Variants in CCDC178 observed in about 807,000 individuals in gnomAD.
CCDC178 encodes coiled-coil domain containing 178, also known as coiled-coil domain-containing protein 178.
Under a neutral mutation model 117.4 loss-of-function variants are expected in CCDC178, and 126 were observed. The observed-to-expected ratio is 1.07, with a 90% CI of 0.93 to 1.24. The LOEUF is 1.24. Ranked by LOEUF, CCDC178 falls within the 50% of genes most tolerant of loss-of-function variation. The pLI is 0.00. For synonymous variants in CCDC178, 283 were observed against 313.4 expected (o/e 0.90, Z 1.02); for missense variants, 1,030 against 986.9 (o/e 1.04, Z -0.59).
intron 21 of CCDC178, among the ~76,000 whole-genome samples, chr18:33,010,935 T>C (rs2055850749): frequency 6.6e-6 from 1 of 152,174 alleles, no homozygotes; most frequent in Non-Finnish European, 1.5e-5. Context: ...AGACAGTGTG[T>C]CATCTTTCAC....
rs1555656290 is a variant in CCDC178 at position 33,179,095 on chromosome 18, A to ATATATAAAC, written c.2238+32800_2238+32801insGTTTATATA. Among the ~76,000 whole-genome samples, 136 of 111,604 alleles carry ATATATAAAC rather than the reference A, an allele frequency of 1.2e-3. 5 individuals carry two copies. The highest frequency in any genetic ancestry group is 1.6e-3 in the African/African-American group (37 of 22,566). 73.2% of individuals were successfully genotyped at this position (111,604 alleles called of 152,430 possible). A position where few individuals can be genotyped will look rare whatever the true frequency, so the allele number is the denominator to read the frequency against. ...AAAAAAAAAATATATATATATATAT[A>ATATATAAAC]TATATATATATATAAACTATATATA... On this transcript the variant is annotated intron_variant, in intron 20 of 22. Coordinates refer to ENST00000383096, the MANE Select transcript of CCDC178 (RefSeq NM_001105528.4).
chr18:32,937,906 G>A lies in CCDC178; in HGVS notation c.*105C>T. On this transcript the variant is annotated 3_prime_UTR_variant, in exon 23 of 23. Transcript: ENST00000383096. ...GAGGTGAGTGAGTTTTTCGTTCATG[G>A]AAGTGTGAAATGGCAAACAGGTGAA... is the stretch of plus-strand genomic sequence containing the variant. The A allele has an allele frequency of 1.2e-6, 1 of 847,430 alleles. No individual in the cohort carries two copies. The highest frequency in any genetic ancestry group is 2.6e-5 in the East Asian group (1 of 38,808). The allele number at this position is 847,430 out of a possible 1,614,324, so 52.5% of individuals were successfully genotyped here.
chr18:33,158,738 T>C (rs8085506), intron 20 of CCDC178, among the ~76,000 whole-genome samples: 7,744 of 152,150 alleles, frequency 0.051, 300 homozygotes, highest in East Asian at 0.11. Context: ...ATTACAATGT[T>C]ATTTTTTGTA....
intron 11 of CCDC178, among the ~76,000 whole-genome samples, chr18:33,294,783 T>C (rs1184114518): frequency 6.6e-6 from 1 of 152,298 alleles, no homozygotes; most frequent in East Asian, 1.9e-4. Context: ...TGTTATCTAT[T>C]GCCTCCAGTC....
intron 21 of CCDC178, among the ~76,000 whole-genome samples, chr18:33,055,153 T>C (rs2056808664): frequency 6.6e-6 from 1 of 152,188 alleles, no homozygotes; most frequent in Non-Finnish European, 1.5e-5. Flanking sequence ...AACTTCTTCA[T>C]AGACTCTGGA....
At chr18:33,008,222 T>G (rs576516924) in intron 21 of CCDC178, among the ~76,000 whole-genome samples, 1 of 152,124 alleles carries the variant, frequency 6.6e-6, no homozygotes, top group East Asian at 1.9e-4. Flanking sequence ...TCCATTATAG[T>G]GCAGGTTTGC....
rs138487689 is a variant in CCDC178, at chr18:33,223,287, G to A, written c.1819-68C>T. The A allele has an allele frequency of 8.2e-3, 11,765 of 1,427,814 alleles. 56 individuals are homozygous for A. The highest frequency in any genetic ancestry group is 1.0e-2 in the Non-Finnish European group (10,806 of 1,084,040). 88.4% of individuals were successfully genotyped at this position (1,427,814 alleles called of 1,614,324 possible). A position where few individuals can be genotyped will look rare whatever the true frequency, so the allele number is the denominator to read the frequency against. On this transcript the variant is annotated intron_variant, in intron 17 of 22. Coordinates refer to ENST00000383096, the MANE Select transcript of CCDC178 (RefSeq NM_001105528.4). ...CAGTTATCCTCATTTAGGCCAAATC[G>A]TACTTAAGTGACTATTTTAATAACA... is the stretch of plus-strand genomic sequence containing the variant.
intron 20 of CCDC178, among the ~76,000 whole-genome samples, chr18:33,207,232 T>G (rs1225357493): frequency 6.6e-6 from 1 of 152,126 alleles, no homozygotes; most frequent in Non-Finnish European, 1.5e-5. Flanking sequence ...TATTTCATTT[T>G]AAAAACTGTA....
At chr18:32,950,424 T>A (rs1326574715) in intron 22 of CCDC178, among the ~76,000 whole-genome samples, 3 of 152,232 alleles carry the variant, frequency 2.0e-5, no homozygotes, top group African/African-American at 7.2e-5. Flanking sequence ...TGATGACCAA[T>A]GGCTTGAAAA....
At chr18:33,040,476 C>T (rs1023473003) in intron 21 of CCDC178, among the ~76,000 whole-genome samples, 10 of 151,978 alleles carry the variant, frequency 6.6e-5, no homozygotes, top group African/African-American at 2.4e-4. Context: ...TAGTACTTTT[C>T]CAATACAAAA....
intron 21 of CCDC178, among the ~76,000 whole-genome samples, chr18:33,057,303 T>C (rs1019674085): frequency 1.3e-5 from 2 of 152,194 alleles, no homozygotes; most frequent in Non-Finnish European, 2.9e-5. Flanking sequence ...GGGCTATTTA[T>C]ACCTGCTTCA....
At chr18:33,134,898 A>G (rs2058107291) in intron 20 of CCDC178, among the ~76,000 whole-genome samples, 1 of 152,144 alleles carries the variant, frequency 6.6e-6, no homozygotes, top group Non-Finnish European at 1.5e-5. Flanking sequence ...GCTGTTTTTC[A>G]CAAATGAACA....
rs557778959 is a variant in CCDC178, at chr18:32,997,956, G to T, written c.2389-23275C>A. Among the ~76,000 whole-genome samples, 49 of 152,270 alleles carry T rather than the reference G, an allele frequency of 3.2e-4. No individual in the cohort carries two copies. The South Asian group carries it at 1.0e-2, about 31-fold the overall frequency. On this transcript the variant is annotated intron_variant, in intron 21 of 22. Transcript: ENST00000383096. ...AGAAACCCTCACTGATTGTCCTCCC[G>T]ACAGGAGCATCAAATTGAACAACTA...
chr18:33,283,918 G>T (rs878970525), intron 12 of CCDC178, among the ~76,000 whole-genome samples: 1 of 152,282 alleles, frequency 6.6e-6, no homozygotes, highest in African/African-American at 2.4e-5. Context: ...CATACCCAAA[G>T]GACTATAAAT....
intron 14 of CCDC178, among the ~76,000 whole-genome samples, chr18:33,263,879 T>C (rs888464080): frequency 1.3e-5 from 2 of 151,820 alleles, no homozygotes; most frequent in African/African-American, 2.4e-5. Context: ...TTTCTACAAA[T>C]AGTGTTCAGA....
chr18:33,440,280 G>A (rs1016598569), intron 1 of CCDC178, among the ~76,000 whole-genome samples, 199 bp from the exon 2 acceptor site: 127 of 141,434 alleles, frequency 9.0e-4, no homozygotes, highest in Non-Finnish European at 1.6e-3. Context: ...CCCTTCCCCC[G>A]GCAGTGGGGA....
intron 22 of CCDC178, among the ~76,000 whole-genome samples, chr18:32,953,148 A>G (rs2054524730): frequency 6.6e-6 from 1 of 152,128 alleles, no homozygotes. Context: ...GATACCCTAA[A>G]TCATCTCTCT....
chr18:33,330,686 G>T (rs2062655864), intron 10 of CCDC178, among the ~76,000 whole-genome samples: 2 of 152,132 alleles, frequency 1.3e-5, no homozygotes, highest in East Asian at 3.9e-4. Context: ...GGAGGTACAA[G>T]TCCAAAATCT....
chr18:33,048,224 T>A (rs1016226795), intron 21 of CCDC178, among the ~76,000 whole-genome samples: 3 of 152,160 alleles, frequency 2.0e-5, no homozygotes, highest in Non-Finnish European at 4.4e-5. Flanking sequence ...AATTTTGGAC[T>A]TTTAGTCTAC....
Sources: gnomAD v4.1 joint callset for allele counts (sites outside exome capture counted in the v4.1 genomes callset) on GRCh38, gnomAD v4.1.1 for gene constraint, MANE v1.5 for transcripts, NCBI Gene and HGNC (gene_info 2026-07-23, HGNC 2026-07-21) for gene names.